The following ZNF560 variants were observed in gnomAD, a reference collection of about 807,000 sequenced individuals.
ZNF560 encodes zinc finger protein 560.
A neutral mutation model predicts 81.8 loss-of-function variants in ZNF560; 54 were observed. The observed-to-expected ratio is 0.66, with a 90% confidence interval of 0.53 to 0.83. The LOEUF is 0.83. ZNF560 is among the 40% of genes least tolerant of loss of function. The pLI, the probability that ZNF560 is intolerant of heterozygous loss-of-function variation, is 0.00. For missense variants in ZNF560, 940 were observed against 932.4 expected, an observed-to-expected ratio of 1.01 and a Z score of -0.11; for synonymous variants, 321 against 317.9, an observed-to-expected ratio of 1.01 and a Z score of -0.10.
chr19:9,450,527 A>G, the ZNF560 span, among the ~76,000 whole-genome samples: 1 of 152,128 alleles, frequency 6.6e-6, no homozygotes, highest in African/African-American at 2.4e-5. Flanking sequence ...TGGATACAAA[A>G]TCAATGTATA....
chr19:9,502,080 G>T (rs2073637513), upstream of ZNF560, among the ~76,000 whole-genome samples: 1 of 151,852 alleles, frequency 6.6e-6, no homozygotes, highest in Non-Finnish European at 1.5e-5. Flanking sequence ...CTTGAACTCG[G>T]GAGGCGCAGG....
chr19:9,481,329 A>T (rs937168967), intron 2 of ZNF560, among the ~76,000 whole-genome samples: 2 of 152,136 alleles, frequency 1.3e-5, no homozygotes, highest in African/African-American at 4.8e-5. Flanking sequence ...CTAGAAGAAA[A>T]CCTAGGCAAT....
the ZNF560 span, among the ~76,000 whole-genome samples, chr19:9,506,226 C>T: frequency 2.5e-3 from 386 of 152,250 alleles, 2 homozygotes; most frequent in African/African-American, 9.1e-3. Context: ...CTCCTGACTT[C>T]AGGTGATCTG....
At chr19:9,460,112 G>A in the ZNF560 span, among the ~76,000 whole-genome samples, 1 of 152,138 alleles carries the variant, frequency 6.6e-6, no homozygotes, top group Non-Finnish European at 1.5e-5. Context: ...AGCCAATTTG[G>A]GTGCCATCGA....
At chr19:9,489,739 G>A (rs1406104293) in intron 2 of ZNF560, among the ~76,000 whole-genome samples, 1 of 152,062 alleles carries the variant, frequency 6.6e-6, no homozygotes, top group African/African-American at 2.4e-5. Flanking sequence ...ACAGGCAGCT[G>A]CCACCACGCC....
intron 2 of ZNF560, among the ~76,000 whole-genome samples, chr19:9,496,108 C>T (rs1316482740): frequency 1.3e-5 from 2 of 152,106 alleles, no homozygotes; most frequent in Non-Finnish European, 2.9e-5. Flanking sequence ...ATGTTAACTA[C>T]ATATAAAGAA....
At chr19:9,486,658 T>C (rs1467707086) in intron 2 of ZNF560, among the ~76,000 whole-genome samples, 2 of 151,578 alleles carry the variant, frequency 1.3e-5, no homozygotes, top group African/African-American at 4.9e-5. Context: ...GAGAATCACT[T>C]GAACCCAGGA....
At chr19:9,449,027 A>G in the ZNF560 span, among the ~76,000 whole-genome samples, 2 of 152,222 alleles carry the variant, frequency 1.3e-5, no homozygotes, top group African/African-American at 4.8e-5. Flanking sequence ...GTACTTCTAG[A>G]CCTACAAACA....
chr19:9,486,135 G>A, intron 2 of ZNF560, among the ~76,000 whole-genome samples: 1 of 152,180 alleles, frequency 6.6e-6, no homozygotes, highest in Non-Finnish European at 1.5e-5. Flanking sequence ...TGTGCATTAA[G>A]AAATGCCCAA....
At chr19:9,457,571 A>G in the ZNF560 span, among the ~76,000 whole-genome samples, 4 of 152,192 alleles carry the variant, frequency 2.6e-5, no homozygotes, top group African/African-American at 9.6e-5. Context: ...CCACTCCGGA[A>G]ATATTACTCC....
chr19:9,474,904 C>T (rs1380597887), intron 3 of ZNF560, among the ~76,000 whole-genome samples: 2 of 139,746 alleles, frequency 1.4e-5, no homozygotes, highest in African/African-American at 2.7e-5. Flanking sequence ...TAAGATCAAG[C>T]GATAATGCCA....
downstream of ZNF560, among the ~76,000 whole-genome samples, chr19:9,463,754 C>T (rs2144678434): frequency 6.6e-6 from 1 of 152,328 alleles, no homozygotes; most frequent in African/African-American, 2.4e-5. Flanking sequence ...ACGATCTGAG[C>T]TCACTGCAGC....
intron 2 of ZNF560, among the ~76,000 whole-genome samples, chr19:9,492,113 T>A (rs755425727): frequency 8.6e-5 from 13 of 151,938 alleles, no homozygotes; most frequent in Non-Finnish European, 1.5e-4. Context: ...CCTGAGTAGC[T>A]AGGACTACAG....
the ZNF560 span, among the ~76,000 whole-genome samples, chr19:9,446,520 G>T: frequency 6.6e-6 from 1 of 152,080 alleles, no homozygotes; most frequent in Non-Finnish European, 1.5e-5. Context: ...ATTCTGAGAT[G>T]GTGCTTATGA....
chr19:9,473,447 G>A (rs191481841), intron 4 of ZNF560, among the ~76,000 whole-genome samples, 188 bp from the exon 5 acceptor site: 8 of 152,172 alleles, frequency 5.3e-5, no homozygotes, highest in East Asian at 1.9e-4. Context: ...GTGTGATGGC[G>A]TGTGCCTATA....
chr19:9,483,567 G>T (rs1476458744), intron 2 of ZNF560, among the ~76,000 whole-genome samples: 1 of 145,942 alleles, frequency 6.9e-6, no homozygotes. Flanking sequence ...CAGCCGCCCC[G>T]TCCGGGAGGG....
chr19:9,479,153 C>T (rs1168204165), intron 2 of ZNF560, among the ~76,000 whole-genome samples: 1 of 151,182 alleles, frequency 6.6e-6, no homozygotes, highest in Non-Finnish European at 1.5e-5. Context: ...TGCCACTATA[C>T]TCCAGCCTGG....
the ZNF560 span, among the ~76,000 whole-genome samples, chr19:9,448,231 G>A: frequency 6.6e-6 from 1 of 151,640 alleles, no homozygotes; most frequent in African/African-American, 2.4e-5. Context: ...CGTGTGGCGG[G>A]GGGTTTGTTT....
At chr19:9,487,749 G>A (rs2073408204) in intron 2 of ZNF560, among the ~76,000 whole-genome samples, 1 of 152,178 alleles carries the variant, frequency 6.6e-6, no homozygotes, top group African/African-American at 2.4e-5. Context: ...GCCAACAGAA[G>A]AACTTGTAGC....
Sources: gnomAD v4.1 joint callset for allele counts (sites outside exome capture counted in the v4.1 genomes callset) on GRCh38, gnomAD v4.1.1 for gene constraint, MANE v1.5 for transcripts, NCBI Gene and HGNC (gene_info 2026-07-23, HGNC 2026-07-21) for gene names.